Variants in JMY observed in about 807,000 individuals in gnomAD.
JMY encodes junction-mediating and -regulatory protein.
A neutral mutation model predicts 103.3 loss-of-function variants in JMY; 46 were observed. That is an observed-to-expected ratio of 0.45 (90% CI 0.35 to 0.57). The LOEUF is 0.57. Among genes scored for constraint, JMY ranks in the 20% least tolerant of loss-of-function variants. JMY has a pLI of 0.00. For missense variants in JMY, 1,238 were observed against 1,255.2 expected, an observed-to-expected ratio of 0.99 and a Z score of 0.21; for synonymous variants, 526 against 489.3, an observed-to-expected ratio of 1.07 and a Z score of -0.99.
At chr5:79,244,026 A>G (rs1273782531) in intron 1 of JMY, among the ~76,000 whole-genome samples, 1 of 148,170 alleles carries the variant, frequency 6.7e-6, no homozygotes, top group Non-Finnish European at 1.5e-5. Context: ...TTTTTGAGAC[A>G]GGCTTGCTCT....
rs1276225278 is a variant in JMY, at chr5:79,322,141, A to G, written c.*539A>G. The G allele has an allele frequency of 1.3e-5, 2 of 152,228 alleles. No homozygotes were observed. Among genetic ancestry groups the G allele is most frequent in the East Asian group, 3.8e-4 (2 of 5,196 alleles). The allele number at this position is 152,228 out of a possible 1,614,324, so 9.4% of individuals were successfully genotyped here. A position where few individuals can be genotyped will look rare whatever the true frequency, so the allele number is the denominator to read the frequency against. On this transcript the variant is annotated 3_prime_UTR_variant, in exon 11 of 11. Transcript: ENST00000396137. ...ATGGAAATACACCTAAAATGTCCGCATTACTCATTTCCAAAGGATTTTTCA... is the reference window on the plus strand; with the variant it reads ...ATGGAAATACACCTAAAATGTCCGCGTTACTCATTTCCAAAGGATTTTTCA...
intron 1 of JMY, among the ~76,000 whole-genome samples, chr5:79,243,733 G>C (rs1352586620): frequency 2.0e-5 from 3 of 152,124 alleles, no homozygotes; most frequent in Non-Finnish European, 4.4e-5. Context: ...CTTGAAAGTT[G>C]GAAACATTTA....
chr5:79,315,916 A>G, intron 9 of JMY, 84 bp from the exon 10 acceptor site: 1 of 1,147,740 alleles, frequency 8.7e-7, no homozygotes. Flanking sequence ...GTGCTTTCAC[A>G]GTTGCGAACG....
At chr5:79,284,361 A>T in intron 2 of JMY, 1 of 1,278,542 alleles carries the variant, frequency 7.8e-7, no homozygotes. Context: ...TCTGGAATCA[A>T]TTTATTGACC....
At chr5:79,253,721 C>T (rs1322098077) in intron 1 of JMY, among the ~76,000 whole-genome samples, 6 of 151,916 alleles carry the variant, frequency 3.9e-5, no homozygotes, top group South Asian at 2.1e-4. Context: ...TTTTTTGAGA[C>T]AGGGTCTCAC....
chr5:79,277,749 A>G (rs575054879), intron 1 of JMY, among the ~76,000 whole-genome samples, 161 bp from the exon 2 acceptor site: 1 of 152,302 alleles, frequency 6.6e-6, no homozygotes, highest in Non-Finnish European at 1.5e-5. Context: ...GAGACACCAG[A>G]AGTATGGAGA....
intron 1 of JMY, among the ~76,000 whole-genome samples, chr5:79,259,864 C>A (rs1745365020): frequency 6.6e-6 from 1 of 152,224 alleles, no homozygotes; most frequent in Non-Finnish European, 1.5e-5. Context: ...ATGCCTGGAT[C>A]TGCAGCTGTA....
rs118124886 is a variant in JMY, at chr5:79,291,277, G to A, written c.1505G>A (p.Arg502Gln). The A allele has an allele frequency of 2.5e-4, 390 of 1,584,728 alleles. No homozygotes were observed. The East Asian group carries it at 4.6e-3, about 19-fold the overall frequency. The change falls in exon 4 of 11, where the codon CGG becomes CAG. Residue 502 changes from arginine to glutamine, a missense_variant. By Grantham distance (43) the Arg-to-Gln change is conservative. Coordinates refer to ENST00000396137, the MANE Select transcript of JMY (RefSeq NM_152405.5). ...MRAKEICLEQ[R>Q]KHALKEEMQS... ...GCTAAAGAGATATGCTTGGAACAGC[G>A]GAAACATGCACTAAAGGAAGAGGTA...
intron 1 of JMY, among the ~76,000 whole-genome samples, chr5:79,245,808 T>C (rs1309125285): frequency 6.6e-6 from 1 of 152,140 alleles, no homozygotes; most frequent in Non-Finnish European, 1.5e-5. Context: ...GTATTTTTAA[T>C]AGAGACGGGT....
chr5:79,316,390 T>C (rs1747220997), intron 10 of JMY, 80 bp downstream of exon 10: 1 of 1,093,500 alleles, frequency 9.1e-7, no homozygotes, highest in Non-Finnish European at 1.3e-6. Flanking sequence ...TATTTTTTAT[T>C]GAGCCTGAGG....
At chr5:79,285,565 CT>C (rs869197589) in intron 2 of JMY, among the ~76,000 whole-genome samples, 1 of 84,368 alleles carries the variant, frequency 1.2e-5, no homozygotes, top group Non-Finnish European at 2.3e-5. Flanking sequence ...CGATTTCTCT[CT>C]TTTTTTTTTT....
intron 2 of JMY, among the ~76,000 whole-genome samples, chr5:79,288,808 A>G (rs1302431326): frequency 6.6e-6 from 1 of 151,012 alleles, no homozygotes; most frequent in Non-Finnish European, 1.5e-5. Flanking sequence ...GTCACAAGCA[A>G]TCCTCCCTGT....
chr5:79,250,436 A>G (rs967266589), intron 1 of JMY, among the ~76,000 whole-genome samples: 1 of 151,846 alleles, frequency 6.6e-6, no homozygotes, highest in African/African-American at 2.4e-5. Context: ...GCTCTTCTCC[A>G]TTTTTTTCTG....
chr5:79,289,607 C>A (rs968294592), intron 2 of JMY, among the ~76,000 whole-genome samples: 1 of 152,034 alleles, frequency 6.6e-6, no homozygotes, highest in African/African-American at 2.4e-5. Flanking sequence ...CCTGTCCATC[C>A]TTTGATTTTC....
At chr5:79,258,294 G>A (rs981357604) in intron 1 of JMY, among the ~76,000 whole-genome samples, 3 of 149,064 alleles carry the variant, frequency 2.0e-5, no homozygotes, top group African/African-American at 7.4e-5. Context: ...TCAGATATTA[G>A]GGCTTTTTTT....
chr5:79,246,940 T>C (rs1342903666), intron 1 of JMY, among the ~76,000 whole-genome samples: 2 of 152,068 alleles, frequency 1.3e-5, no homozygotes, highest in Admixed American at 1.3e-4. Flanking sequence ...TAGTAAACAC[T>C]TGATAAATCT....
intron 1 of JMY, among the ~76,000 whole-genome samples, chr5:79,276,466 G>A (rs1188705479): frequency 2.6e-5 from 4 of 151,596 alleles, no homozygotes; most frequent in Admixed American, 6.6e-5. Context: ...GTCTCACTTC[G>A]TCACCTAGGC....
chr5:79,260,279 G>A (rs1745382747), intron 1 of JMY, among the ~76,000 whole-genome samples: 1 of 152,186 alleles, frequency 6.6e-6, no homozygotes, highest in Non-Finnish European at 1.5e-5. Context: ...CTGTGATGGT[G>A]GGGGTGGTTC....
chr5:79,280,801 T>G (rs970013082), intron 2 of JMY, among the ~76,000 whole-genome samples: 2 of 152,080 alleles, frequency 1.3e-5, no homozygotes, highest in African/African-American at 4.8e-5. Flanking sequence ...ACAGCTAATT[T>G]GTAAGTGGTA....
Sources: gnomAD v4.1 joint callset for allele counts (sites outside exome capture counted in the v4.1 genomes callset) on GRCh38, gnomAD v4.1.1 for gene constraint, MANE v1.5 for transcripts, NCBI Gene and HGNC (gene_info 2026-07-23, HGNC 2026-07-21) for gene names.